The following GRIA2 variants were observed in gnomAD, a reference collection of about 807,000 sequenced individuals.
GRIA2 encodes glutamate receptor 2.
A neutral mutation model predicts 97.3 loss-of-function variants in GRIA2; 14 were observed. The observed-to-expected ratio is 0.14, with a 90% CI of 0.10 to 0.23. The LOEUF is 0.23. Ranked by LOEUF, GRIA2 falls within the 10% of genes least tolerant of loss-of-function variation. The pLI is 1.00. For synonymous variants in GRIA2, 412 were observed against 387.8 expected, an observed-to-expected ratio of 1.06 and a Z score of -0.73; for missense variants, 558 against 1,069.8, an observed-to-expected ratio of 0.52 and a Z score of 6.67.
chr4:157,233,650 T>C (rs1730119840), intron 2 of GRIA2, among the ~76,000 whole-genome samples: 1 of 152,142 alleles, frequency 6.6e-6, no homozygotes, highest in Non-Finnish European at 1.5e-5. Flanking sequence ...TAGATTAATT[T>C]GTCAGAAACG....
chr4:157,289,838 G>A (rs1733015924), intron 2 of GRIA2, among the ~76,000 whole-genome samples: 1 of 151,620 alleles, frequency 6.6e-6, no homozygotes, highest in Non-Finnish European at 1.5e-5. Flanking sequence ...TTTCCCTAAT[G>A]TCTTTTTGAC....
Position 157,294,574 on chromosome 4 carries a change from T to C in GRIA2, c.230-8978T>C, listed in dbSNP as rs558103032. Among the ~76,000 whole-genome samples the C allele has an allele frequency of 1.2e-4, 18 of 152,264 alleles. No homozygotes were observed. In the South Asian group the frequency reaches 3.5e-3, roughly 30 times the overall value. On this transcript the variant is annotated intron_variant, in intron 2 of 15. Transcript: ENST00000264426. ...GAAAAAGTAATAAAACAGAGAATGA[T>C]ATTATTTAATCCTTGAAATTTATTG...
chr4:157,287,885 T>A (rs1361744801), intron 2 of GRIA2, among the ~76,000 whole-genome samples: 1 of 151,644 alleles, frequency 6.6e-6, no homozygotes, highest in Non-Finnish European at 1.5e-5. Flanking sequence ...CTGCCTAACA[T>A]TTCTGTTTTC....
At chr4:157,322,617 CAG>C (rs1252245749) in intron 6 of GRIA2, among the ~76,000 whole-genome samples, 4 of 152,158 alleles carry the variant, frequency 2.6e-5, no homozygotes, top group African/African-American at 4.8e-5. Context: ...TTATTGAGAG[CAG>C]AGTTAAAATG....
chr4:157,350,269 C>A (rs971458221), intron 12 of GRIA2, among the ~76,000 whole-genome samples: 1 of 152,038 alleles, frequency 6.6e-6, no homozygotes, highest in African/African-American at 2.4e-5. Context: ...GTTCTGAATT[C>A]CCTCAACTAT....
intron 2 of GRIA2, among the ~76,000 whole-genome samples, chr4:157,278,523 C>T (rs996726830): frequency 6.6e-6 from 1 of 151,886 alleles, no homozygotes; most frequent in African/African-American, 2.4e-5. Context: ...AATTCCTAGA[C>T]AGTAACATAT....
At chr4:157,226,311 A>G (rs1729744130) in intron 2 of GRIA2, among the ~76,000 whole-genome samples, 4 of 152,082 alleles carry the variant, frequency 2.6e-5, no homozygotes. Context: ...AAACATTGTA[A>G]AGAAATTTAT....
intron 2 of GRIA2, among the ~76,000 whole-genome samples, chr4:157,230,262 A>AT (rs139446649): frequency 6.6e-6 from 1 of 152,008 alleles, no homozygotes; most frequent in African/African-American, 2.4e-5. Flanking sequence ...TATGTCAACA[A>AT]TTTTTTTATA....
intron 2 of GRIA2, among the ~76,000 whole-genome samples, chr4:157,271,888 G>T (rs1457102995): frequency 6.6e-6 from 1 of 152,086 alleles, no homozygotes; most frequent in African/African-American, 2.4e-5. Context: ...CAGGGTTGAA[G>T]ACCAAATGTA....
At chr4:157,248,827 CT>C (rs1330551938) in intron 2 of GRIA2, among the ~76,000 whole-genome samples, 1 of 134,126 alleles carries the variant, frequency 7.5e-6, no homozygotes, top group Non-Finnish European at 1.6e-5. Context: ...TAAAATAATT[CT>C]TTTTTTATTT....
intron 12 of GRIA2, among the ~76,000 whole-genome samples, chr4:157,358,556 T>G (rs1003873520): frequency 1.3e-5 from 2 of 152,194 alleles, no homozygotes; most frequent in Non-Finnish European, 2.9e-5. Flanking sequence ...TCTTTAGAGT[T>G]AAAGTGCCTT....
At chr4:157,348,726 T>C (rs1421820313) in intron 12 of GRIA2, among the ~76,000 whole-genome samples, 1 of 152,162 alleles carries the variant, frequency 6.6e-6, no homozygotes, top group African/African-American at 2.4e-5. Flanking sequence ...ATGTTGCTTC[T>C]TTAACAATAT....
At chr4:157,330,754 G>C (rs1735016116) in intron 6 of GRIA2, among the ~76,000 whole-genome samples, 1 of 151,850 alleles carries the variant, frequency 6.6e-6, no homozygotes, top group Admixed American at 6.6e-5. Context: ...CGATTTCCCT[G>C]ATTTTTTCTT....
intron 2 of GRIA2, among the ~76,000 whole-genome samples, chr4:157,257,313 AG>A: frequency 6.6e-6 from 1 of 152,042 alleles, no homozygotes; most frequent in East Asian, 1.9e-4. Context: ...TCGCCCTCTG[AG>A]GTTGTGATTT....
At chr4:157,271,288 G>T (rs1732013211) in intron 2 of GRIA2, among the ~76,000 whole-genome samples, 2 of 151,926 alleles carry the variant, frequency 1.3e-5, no homozygotes, top group Non-Finnish European at 2.9e-5. Flanking sequence ...GATAGCATCA[G>T]ATCCCAGTGG....
chr4:157,301,477 G>A (rs548274190), intron 2 of GRIA2, among the ~76,000 whole-genome samples: 2 of 152,298 alleles, frequency 1.3e-5, no homozygotes, highest in Non-Finnish European at 2.9e-5. Flanking sequence ...TAGAAGATTG[G>A]TAATAAAGGA....
intron 2 of GRIA2, among the ~76,000 whole-genome samples, chr4:157,286,590 T>C (rs1732855655): frequency 6.6e-6 from 1 of 151,592 alleles, no homozygotes; most frequent in Non-Finnish European, 1.5e-5. Context: ...TCTGTTTATT[T>C]ATTTGTCTTT....
At chr4:157,347,430 G>A (rs1051985974) in intron 12 of GRIA2, among the ~76,000 whole-genome samples, 1 of 152,142 alleles carries the variant, frequency 6.6e-6, no homozygotes, top group African/African-American at 2.4e-5. Context: ...CCATACCAAA[G>A]AGAAAGCATT....
intron 2 of GRIA2, among the ~76,000 whole-genome samples, chr4:157,270,378 T>C (rs1579319550): frequency 6.6e-6 from 1 of 152,122 alleles, no homozygotes; most frequent in African/African-American, 2.4e-5. Context: ...CAGGTTTCCT[T>C]TTGGCAGAGA....
Sources: allele counts gnomAD v4.1 joint callset (sites outside exome capture counted in the v4.1 genomes callset), GRCh38; gene constraint gnomAD v4.1.1; transcripts MANE v1.5; gene names NCBI Gene and HGNC (gene_info 2026-07-23, HGNC 2026-07-21).